The following CUX2 variants were observed in gnomAD, a reference collection of about 807,000 sequenced individuals.
CUX2 encodes cut like homeobox 2.
In CUX2, 40 loss-of-function variants were observed where a neutral mutation model predicts 144.8. The observed-to-expected ratio is 0.28, with a 90% CI of 0.21 to 0.36. CUX2 has a LOEUF of 0.36. Among genes scored for constraint, CUX2 ranks in the 10% least tolerant of loss-of-function variants. CUX2 has a pLI of 1.00. For missense variants in CUX2, 1,615 were observed against 1,994.0 expected, an observed-to-expected ratio of 0.81 and a Z score of 3.62; for synonymous variants, 827 against 875.6, an observed-to-expected ratio of 0.94 and a Z score of 0.98.
At position 111,291,474 on chromosome 12, in the gene CUX2, A is replaced by G. The variant is rs751670871; in HGVS notation, c.358A>G (p.Ser120Gly). 1.2e-6 allele frequency: 2 copies of G among 1,612,620 alleles called. No homozygotes were observed. The highest frequency in any genetic ancestry group is 2.7e-5 in the African/African-American group (2 of 74,892). ...RSLDDRLQPP[S>G]FDPSGQPRRD... ...CCTAGACGACAGACTGCAGCCCCCCAGCTTTGACCCCAGTGGGCAGCCCCG... is the reference window on the plus strand; with the variant it reads ...CCTAGACGACAGACTGCAGCCCCCCGGCTTTGACCCCAGTGGGCAGCCCCG... Residue 120 changes from serine (S) to glycine (G), a missense_variant, in exon 5 of 22, where the codon AGC becomes GGC. By Grantham distance (56) the Ser-to-Gly change is moderately conservative. Transcript: ENST00000261726.
At chr12:111,319,120 C>T (rs1010148431) in intron 16 of CUX2, among the ~76,000 whole-genome samples, 1 of 151,774 alleles carries the variant, frequency 6.6e-6, no homozygotes, top group Non-Finnish European at 1.5e-5. Context: ...TTGAGACCAC[C>T]CTGGGCAATA....
chr12:111,169,549 T>C (rs1488885474), intron 1 of CUX2, among the ~76,000 whole-genome samples: 1 of 152,200 alleles, frequency 6.6e-6, no homozygotes, highest in Non-Finnish European at 1.5e-5. Flanking sequence ...CGGGTCGGCC[T>C]GGCTGCCTAA....
At chr12:111,285,304 G>C (rs913505598) in intron 4 of CUX2, among the ~76,000 whole-genome samples, 4 of 152,176 alleles carry the variant, frequency 2.6e-5, no homozygotes, top group Non-Finnish European at 4.4e-5. Context: ...GATGGGACCA[G>C]AGCAGTGAGT....
rs1887487812 is a variant in CUX2 at position 111,320,791 on chromosome 12, G to T, written c.2766+16G>T. The T allele has an allele frequency of 6.7e-7, 1 of 1,492,336 alleles. No individual in the cohort carries two copies. The highest frequency in any genetic ancestry group is 8.9e-7 in the Non-Finnish European group (1 of 1,124,490). 92.4% of individuals were successfully genotyped at this position (1,492,336 alleles called of 1,614,324 possible). A position where few individuals can be genotyped will look rare whatever the true frequency, so the allele number is the denominator to read the frequency against. ...CGGGGAGAAGGTGAGTGCAGGGCGGGCCCCCGGTGTCTGGGCTCTGGGAGA... is the reference window on the plus strand; with the variant it reads ...CGGGGAGAAGGTGAGTGCAGGGCGGTCCCCCGGTGTCTGGGCTCTGGGAGA... On this transcript the variant is annotated intron_variant, in intron 17 of 21. Transcript: ENST00000261726. This position sits in a 1 kb window ranked among gnomAD's most constrained non-coding sequence, Gnocchi z 8.1.
At chr12:111,179,559 A>G (rs1467636284) in intron 1 of CUX2, among the ~76,000 whole-genome samples, 1 of 152,158 alleles carries the variant, frequency 6.6e-6, no homozygotes, top group East Asian at 1.9e-4. Flanking sequence ...TGCGTGGCAC[A>G]GAGTTCATTC....
Position 111,320,664 on chromosome 12 carries a change from C to G in CUX2, c.2655C>G (p.Pro885=), listed in dbSNP as rs749351102. ...AGCCCACCGTGCCGCCGCTGACCCC[C>G]GAGCAGTACGAGCTGTACATGTACC... ...TLKPTVPPLT[P]EQYELYMYRE... is the part of the protein sequence containing the mutation. The change falls in exon 17 of 22, where the codon CCC becomes CCG. Residue 885 remains proline, a synonymous_variant. Transcript: ENST00000261726. This position sits in a 1 kb window ranked among gnomAD's most constrained non-coding sequence, Gnocchi z 8.1. 6 of 1,597,150 alleles carry G rather than the reference C, an allele frequency of 3.8e-6. No homozygotes were observed. The highest frequency in any genetic ancestry group is 5.1e-6 in the Non-Finnish European group (6 of 1,179,252).
intron 3 of CUX2, among the ~76,000 whole-genome samples, chr12:111,230,034 T>G (rs189294373): frequency 1.5e-4 from 22 of 151,232 alleles, no homozygotes; most frequent in Non-Finnish European, 2.8e-4. Flanking sequence ...AAAAAAAAAT[T>G]TCCAGCTACT....
At chr12:111,094,019 A>C (rs892666863) in intron 1 of CUX2, among the ~76,000 whole-genome samples, 3 of 152,206 alleles carry the variant, frequency 2.0e-5, no homozygotes, top group East Asian at 1.9e-4. Flanking sequence ...TTTCTTCAGA[A>C]GCCTTGCGAG....
intron 1 of CUX2, among the ~76,000 whole-genome samples, chr12:111,115,324 C>T (rs1030203595): frequency 6.9e-5 from 8 of 116,242 alleles, no homozygotes; most frequent in Admixed American, 3.8e-4. Context: ...CTTGCTCTGT[C>T]GCCCAGGCTA....
intron 1 of CUX2, among the ~76,000 whole-genome samples, chr12:111,045,239 G>T (rs1474654103): frequency 6.6e-6 from 1 of 152,128 alleles, no homozygotes; most frequent in Non-Finnish European, 1.5e-5. Flanking sequence ...GGGACCCCTC[G>T]TTTATAATCG....
rs577160728 is a variant in CUX2, at chr12:111,310,039, A to G, written c.1259-2A>G. Reference sequence around the variant, plus strand: ...GTCTGTCTGTCTGTCTGGGTGTTCTAGAGGAAGACCCATCAGAGGACGATT... The same window carrying G: ...GTCTGTCTGTCTGTCTGGGTGTTCTGGAGGAAGACCCATCAGAGGACGATT... On this transcript the variant is annotated splice_acceptor_variant, in intron 14 of 21. Transcript: ENST00000261726. LOFTEE classifies it high-confidence loss of function. The surrounding 1 kb of genome is among the most constrained non-coding windows in gnomAD (Gnocchi z 7.9). 330 of 1,318,330 alleles carry G rather than the reference A, an allele frequency of 2.5e-4. 2 individuals are homozygous for G. The highest frequency in any genetic ancestry group is 4.2e-5 in the Non-Finnish European group (43 of 1,035,330). 81.7% of individuals were successfully genotyped at this position (1,318,330 alleles called of 1,614,324 possible). A position where few individuals can be genotyped will look rare whatever the true frequency, so the allele number is the denominator to read the frequency against.
intron 1 of CUX2, among the ~76,000 whole-genome samples, chr12:111,205,832 G>T (rs139713193): frequency 6.6e-6 from 1 of 152,172 alleles, no homozygotes; most frequent in Non-Finnish European, 1.5e-5. Context: ...CAGACAGACC[G>T]GGCTCTTTAG....
chr12:111,248,885 T>G (rs964771614), intron 3 of CUX2, among the ~76,000 whole-genome samples: 4 of 152,248 alleles, frequency 2.6e-5, no homozygotes, highest in African/African-American at 9.6e-5. Context: ...GCACATATTT[T>G]CATGCTCACA....
rs1463689672 is a variant in CUX2, at chr12:111,099,535, C to A, written c.63+65295C>A. 8.8e-6 allele frequency: 4 copies of A among 456,504 alleles called. No individual in the cohort carries two copies. The Admixed American group carries it at 9.4e-5, about 11-fold the overall frequency. 28.3% of individuals were successfully genotyped at this position (456,504 alleles called of 1,614,324 possible). A position where few individuals can be genotyped will look rare whatever the true frequency, so the allele number is the denominator to read the frequency against. On this transcript the variant is annotated intron_variant, in intron 1 of 21. Transcript: ENST00000261726. ...CAAGTTGTGGGGAGGTGGGGGTGGC[C>A]CCCTATTTGTTGGGGGCAGACCTGC...
At chr12:111,050,266 C>T (rs539111714) in intron 1 of CUX2, among the ~76,000 whole-genome samples, 2 of 152,006 alleles carry the variant, frequency 1.3e-5, no homozygotes, top group Non-Finnish European at 2.9e-5. Flanking sequence ...CTCTGGCTGG[C>T]CTCTAATTAT....
At chr12:111,183,996 G>A (rs143490214) in intron 1 of CUX2, among the ~76,000 whole-genome samples, 2 of 152,222 alleles carry the variant, frequency 1.3e-5, no homozygotes, top group South Asian at 2.1e-4. Context: ...TCAATCGTCC[G>A]TATCCTCTGC....
chr12:111,334,581 T>C lies in CUX2; in HGVS notation c.3067T>C (p.Leu1023=), dbSNP rs778129638. Residue 1023 remains leucine (L), a synonymous_variant, in exon 19 of 22, where the codon TTG becomes CTG. Coordinates refer to ENST00000261726, the MANE Select transcript of CUX2 (RefSeq NM_015267.4). ...QQPEGRSSSS[L]SGKMYSGSQA... ...GCCAGAGGGCCGCTCCAGCTCCTCG[T>C]TGAGCGGGAAGATGTACTCAGGCAG... 10 of 1,613,764 alleles carry C rather than the reference T, an allele frequency of 6.2e-6. No individual in the cohort carries two copies. In the South Asian group the frequency reaches 7.7e-5, roughly 12 times the overall value.
At chr12:111,067,593 AC>A (rs1871075806) in intron 1 of CUX2, among the ~76,000 whole-genome samples, 1 of 152,162 alleles carries the variant, frequency 6.6e-6, no homozygotes, top group South Asian at 2.1e-4. Flanking sequence ...AATCAGAAAC[AC>A]CCCCAAAACA....
intron 3 of CUX2, among the ~76,000 whole-genome samples, chr12:111,241,153 C>T (rs1044371542): frequency 6.6e-6 from 1 of 151,946 alleles, no homozygotes; most frequent in Non-Finnish European, 1.5e-5. Context: ...GGGGAGAGGG[C>T]GTATGCAGAG....
Sources: allele counts gnomAD v4.1 joint callset (sites outside exome capture counted in the v4.1 genomes callset), GRCh38; gene constraint gnomAD v4.1.1; non-coding constraint Gnocchi (gnomAD v3.1); transcripts MANE v1.5; gene names NCBI Gene and HGNC (gene_info 2026-07-23, HGNC 2026-07-21).